SLC16A9: variants seen among roughly 807,000 people sequenced by gnomAD.
SLC16A9 encodes solute carrier family 16 member 9.
Under a neutral mutation model 44.3 loss-of-function variants are expected in SLC16A9, and 26 were observed. The observed-to-expected ratio is 0.59, with a 90% CI of 0.43 to 0.81. The LOEUF is 0.81. SLC16A9 is among the 40% of genes least tolerant of loss of function. SLC16A9 has a pLI of 0.00. For missense variants in SLC16A9, 559 were observed against 595.8 expected (o/e 0.94, Z 0.64); for synonymous variants, 230 against 225.1 (o/e 1.02, Z -0.19).
intron 3 of SLC16A9, among the ~76,000 whole-genome samples, chr10:59,666,826 C>T (rs565748763): frequency 9.1e-4 from 126 of 138,376 alleles, no homozygotes; most frequent in Non-Finnish European, 1.6e-3. Context: ...CGCTGGGAAA[C>T]AACTGACAGT....
At chr10:59,693,755 G>A (rs1840305112) in intron 1 of SLC16A9, among the ~76,000 whole-genome samples, 1 of 150,864 alleles carries the variant, frequency 6.6e-6, no homozygotes, top group South Asian at 2.1e-4. Flanking sequence ...AAGTAGCTGG[G>A]GCTACAGGCG....
intron 1 of SLC16A9, among the ~76,000 whole-genome samples, chr10:59,685,486 C>CA (rs916470222): frequency 2.1e-4 from 32 of 152,228 alleles, no homozygotes; most frequent in African/African-American, 7.5e-4. Context: ...TTTTTACACA[C>CA]AAAAAAATAG....
chr10:59,671,229 T>C (rs920065988), intron 3 of SLC16A9, among the ~76,000 whole-genome samples: 2 of 152,190 alleles, frequency 1.3e-5, no homozygotes, highest in Non-Finnish European at 2.9e-5. Flanking sequence ...ATCAGAGCTA[T>C]GTACATCCTC....
intron 3 of SLC16A9, among the ~76,000 whole-genome samples, chr10:59,669,845 G>A (rs113681349): frequency 6.6e-6 from 1 of 151,852 alleles, no homozygotes; most frequent in Non-Finnish European, 1.5e-5. Flanking sequence ...CCGTAACAGA[G>A]TACAAATCTA....
Position 59,681,618 on chromosome 10 carries a change from G to GA in SLC16A9, c.196+2477_196+2478insT, listed in dbSNP as rs1157903204. Among the ~76,000 whole-genome samples, 23 of 107,896 alleles carry GA rather than the reference G, an allele frequency of 2.1e-4. 7 individuals carry two copies. Among genetic ancestry groups the GA allele is most frequent in the African/African-American group, 8.0e-4 (22 of 27,486 alleles). The allele number at this position is 107,896 out of a possible 152,430, so 70.8% of individuals were successfully genotyped here. A position where few individuals can be genotyped will look rare whatever the true frequency, so the allele number is the denominator to read the frequency against. On this transcript the variant is annotated intron_variant, in intron 2 of 5. Coordinates refer to ENST00000395348, the MANE Select transcript of SLC16A9 (RefSeq NM_194298.3). ...TGTATATGTATATGTATATGTATAT[G>GA]TATATGATGTATATGTATATGTGTA...
At chr10:59,702,462 T>C (rs1024604002) in intron 1 of SLC16A9, among the ~76,000 whole-genome samples, 2 of 152,186 alleles carry the variant, frequency 1.3e-5, no homozygotes, top group African/African-American at 2.4e-5. Context: ...AAATCGTGGC[T>C]CAAAACTGTC....
At chr10:59,670,702 T>C (rs1814896626) in intron 3 of SLC16A9, among the ~76,000 whole-genome samples, 1 of 152,246 alleles carries the variant, frequency 6.6e-6, no homozygotes, top group Admixed American at 6.5e-5. Flanking sequence ...GAGCTCATGA[T>C]ACAGGAATGA....
At chr10:59,671,490 G>A (rs1839748771) in intron 3 of SLC16A9, among the ~76,000 whole-genome samples, 1 of 152,184 alleles carries the variant, frequency 6.6e-6, no homozygotes, top group South Asian at 2.1e-4. Flanking sequence ...GCTTACATGG[G>A]CACGTAATAT....
In SLC16A9 at chr10:59,652,922, A is replaced by G. The variant is rs565237002; in HGVS notation, c.1380T>C (p.Tyr460=). The change falls in exon 6 of 6, where the codon TAT becomes TAC. Residue 460 remains tyrosine, a synonymous_variant. Coordinates refer to ENST00000395348, the MANE Select transcript of SLC16A9 (RefSeq NM_194298.3). ...AGCCACTAAAATAAAATGCAATATC[A>G]TAGGTCTGGGTCCAGTCATAAAACC... is the stretch of plus-strand genomic sequence containing the variant. ...VGWFYDWTQT[Y]DIAFYFSGFC... is the part of the protein sequence containing the mutation. The G allele has an allele frequency of 1.9e-6, 3 of 1,612,852 alleles. No homozygotes were observed. The highest frequency in any genetic ancestry group is 2.2e-5 in the East Asian group (1 of 44,856).
chr10:59,705,866 T>G (rs1460147520), intron 1 of SLC16A9, among the ~76,000 whole-genome samples: 1 of 152,224 alleles, frequency 6.6e-6, no homozygotes, highest in Non-Finnish European at 1.5e-5. Flanking sequence ...CCAATAATGT[T>G]CAATCATATT....
chr10:59,702,787 C>T (rs538983752), intron 1 of SLC16A9, among the ~76,000 whole-genome samples: 35 of 152,224 alleles, frequency 2.3e-4, no homozygotes, highest in African/African-American at 6.3e-4. Flanking sequence ...TTAAAAAAAT[C>T]GAAATTGCCA....
intron 4 of SLC16A9, among the ~76,000 whole-genome samples, chr10:59,656,734 G>A (rs1324315453): frequency 6.6e-6 from 1 of 152,136 alleles, no homozygotes; most frequent in African/African-American, 2.4e-5. Flanking sequence ...TATAGCCATG[G>A]TGGTTTGCTG....
intron 4 of SLC16A9, among the ~76,000 whole-genome samples, chr10:59,659,285 T>C (rs1350347915): frequency 6.6e-6 from 1 of 152,034 alleles, no homozygotes; most frequent in Non-Finnish European, 1.5e-5. Context: ...TTTAGAAAAA[T>C]TGTAAGTTCC....
At chr10:59,689,904 C>G (rs1415780545) in intron 1 of SLC16A9, among the ~76,000 whole-genome samples, 1 of 152,202 alleles carries the variant, frequency 6.6e-6, no homozygotes, top group East Asian at 1.9e-4. Context: ...TTCTTCATAT[C>G]TTATGATCTA....
chr10:59,688,661 C>T (rs1840186134), intron 1 of SLC16A9, among the ~76,000 whole-genome samples: 1 of 151,798 alleles, frequency 6.6e-6, no homozygotes, highest in Non-Finnish European at 1.5e-5. Flanking sequence ...CCAGAATCCT[C>T]TTTAAAGAAA....
chr10:59,704,285 C>T (rs1015530419), intron 1 of SLC16A9, among the ~76,000 whole-genome samples: 6 of 152,148 alleles, frequency 3.9e-5, no homozygotes, highest in Non-Finnish European at 8.8e-5. Flanking sequence ...CACCTACTAC[C>T]CAACCACTGC....
At chr10:59,698,838 A>C (rs1179287764) in intron 1 of SLC16A9, among the ~76,000 whole-genome samples, 2 of 151,966 alleles carry the variant, frequency 1.3e-5, no homozygotes, top group Non-Finnish European at 2.9e-5. Context: ...CCCGGGTTCA[A>C]GCAATTCTCC....
intron 1 of SLC16A9, among the ~76,000 whole-genome samples, chr10:59,687,785 ACT>A (rs1378757897): frequency 6.6e-6 from 1 of 151,664 alleles, no homozygotes; most frequent in Non-Finnish European, 1.5e-5. Flanking sequence ...ACATAGTGAA[ACT>A]CTATCTCTAC....
chr10:59,702,679 A>C (rs1840550970), intron 1 of SLC16A9, among the ~76,000 whole-genome samples: 1 of 152,242 alleles, frequency 6.6e-6, no homozygotes, highest in Admixed American at 6.5e-5. Context: ...CAAATCCAAG[A>C]AACTCAGCTT....
Sources: allele counts gnomAD v4.1 joint callset (sites outside exome capture counted in the v4.1 genomes callset), GRCh38; gene constraint gnomAD v4.1.1; transcripts MANE v1.5; gene names NCBI Gene and HGNC (gene_info 2026-07-23, HGNC 2026-07-21).